HCN1: variants seen among roughly 807,000 people sequenced by gnomAD.
The protein encoded by HCN1 is hyperpolarization activated cyclic nucleotide gated potassium channel 1.
Under a neutral mutation model 78.9 loss-of-function variants are expected in HCN1, and 13 were observed. That is an observed-to-expected ratio of 0.16 (90% CI 0.11 to 0.26). The LOEUF is 0.26. Among genes scored for constraint, HCN1 ranks in the 10% least tolerant of loss-of-function variants. The probability of loss-of-function intolerance (pLI) is 1.00; values close to 1 mark genes in which losing one functional copy is unlikely to be tolerated. For synonymous variants in HCN1, 552 were observed against 455.5 expected, an observed-to-expected ratio of 1.21 and a Z score of -2.70; for missense variants, 810 against 1,154.3, an observed-to-expected ratio of 0.70 and a Z score of 4.32.
chr5:45,263,253 T>C (rs898603488), intron 7 of HCN1, among the ~76,000 whole-genome samples: 3 of 152,170 alleles, frequency 2.0e-5, no homozygotes, highest in African/African-American at 7.2e-5. Context: ...AGGTAGATGA[T>C]TTTATGTAAC....
chr5:45,531,540 T>G (rs1300284374), intron 2 of HCN1, among the ~76,000 whole-genome samples: 1 of 152,150 alleles, frequency 6.6e-6, no homozygotes, highest in African/African-American at 2.4e-5. Context: ...CAGTAGCCAT[T>G]GTGTTGTGTA....
chr5:45,340,231 G>T (rs1746548343), intron 5 of HCN1, among the ~76,000 whole-genome samples: 1 of 152,116 alleles, frequency 6.6e-6, no homozygotes, highest in South Asian at 2.1e-4. Context: ...GGGAAGAATA[G>T]TTAATAAAAC....
intron 2 of HCN1, among the ~76,000 whole-genome samples, chr5:45,604,178 G>A (rs985798680): frequency 2.0e-5 from 3 of 152,052 alleles, no homozygotes; most frequent in Admixed American, 2.0e-4. Flanking sequence ...TTTCTAAGTG[G>A]TCAGACCAAA....
chr5:45,348,687 C>A (rs577545160), intron 5 of HCN1, among the ~76,000 whole-genome samples: 5 of 151,932 alleles, frequency 3.3e-5, no homozygotes, highest in African/African-American at 7.2e-5. Context: ...ATCTACCAAG[C>A]AAATGGAAAA....
intron 2 of HCN1, among the ~76,000 whole-genome samples, chr5:45,492,899 G>A (rs1384591158): frequency 6.6e-6 from 1 of 152,042 alleles, no homozygotes; most frequent in East Asian, 1.9e-4. Flanking sequence ...AGAAACTAGA[G>A]TATGGAAAGC....
rs113229470 is a variant in HCN1, at chr5:45,503,153, T to C, written c.850-41146A>G. On this transcript the variant is annotated intron_variant, in intron 2 of 7. Transcript: ENST00000303230. ...CAGAATATCACTGTTTTGCAACCTT[T>C]AATAAAATAATAAATGTTGGTCGTG... 7.4e-3 allele frequency among the ~76,000 whole-genome samples: 1,133 copies of C among 152,282 alleles called. 14 individuals carry two copies. The highest frequency in any genetic ancestry group is 0.026 in the African/African-American group (1,086 of 41,558).
In HCN1 at chr5:45,494,214, C is replaced by G. The variant is rs1741968801; in HGVS notation, c.850-32207G>C. On this transcript the variant is annotated intron_variant, in intron 2 of 7. Transcript: ENST00000303230. ...ATGGTTGAACTAGTTTACAGTCCCA[C>G]CAACAATGTAAAAGTGTTCCTATTT... Among the ~76,000 whole-genome samples the G allele has an allele frequency of 2.0e-5, 3 of 152,172 alleles. No individual in the cohort carries two copies. In the South Asian group the frequency reaches 6.2e-4, roughly 32 times the overall value.
intron 2 of HCN1, among the ~76,000 whole-genome samples, chr5:45,627,777 A>C (rs1464484092): frequency 6.6e-6 from 1 of 152,336 alleles, no homozygotes; most frequent in East Asian, 1.9e-4. Flanking sequence ...CAGGGAAAAT[A>C]GACATGAATG....
At chr5:45,689,138 T>C (rs944082132) in intron 1 of HCN1, among the ~76,000 whole-genome samples, 18 of 151,508 alleles carry the variant, frequency 1.2e-4, no homozygotes, top group African/African-American at 4.3e-4. Context: ...AATTGTATGG[T>C]ATATGAATTT....
At chr5:45,482,353 T>C (rs1159320611) in intron 2 of HCN1, among the ~76,000 whole-genome samples, 1 of 152,194 alleles carries the variant, frequency 6.6e-6, no homozygotes, top group African/African-American at 2.4e-5. Flanking sequence ...AGAGGTATAT[T>C]CTCAACCTCA....
At chr5:45,695,439 G>A (rs1739988719) in intron 1 of HCN1, among the ~76,000 whole-genome samples, 1 of 152,176 alleles carries the variant, frequency 6.6e-6, no homozygotes, top group African/African-American at 2.4e-5. Flanking sequence ...GGCCAAGGAG[G>A]AGAGCCCGTC....
At chr5:45,455,101 G>A (rs112343062) in intron 3 of HCN1, among the ~76,000 whole-genome samples, 28 of 151,982 alleles carry the variant, frequency 1.8e-4, no homozygotes, top group African/African-American at 6.0e-4. Context: ...AATCCACACA[G>A]GGCTACTACT....
At chr5:45,515,031 A>G (rs1742490612) in intron 2 of HCN1, among the ~76,000 whole-genome samples, 1 of 151,870 alleles carries the variant, frequency 6.6e-6, no homozygotes, top group Admixed American at 6.6e-5. Context: ...AATTATTATG[A>G]TAATTTAGAG....
rs1405366280 is a variant in HCN1, at chr5:45,286,735, ATGT to A, written c.1618+16861_1618+16863del. Among the ~76,000 whole-genome samples the A allele has an allele frequency of 7.9e-5, 12 of 152,126 alleles. No homozygotes were observed. In the East Asian group the frequency reaches 1.7e-3, roughly 22 times the overall value. ...TAGTGCATACCATTAAAACATTAAG[ATGT>A]TGTTGTTGATGTGTTTCTCTTGTAA... On this transcript the variant is annotated intron_variant, in intron 6 of 7. Coordinates refer to ENST00000303230, the MANE Select transcript of HCN1 (RefSeq NM_021072.4).
In HCN1 at chr5:45,374,474, C is replaced by G. The variant is rs1747556129; in HGVS notation, c.1231-21228G>C. Reference sequence around the variant, plus strand: ...AGAAGAAATGTAATCCTTATACAGACCAATAATGAGTTTCAAAATTCAATC... The same window carrying G: ...AGAAGAAATGTAATCCTTATACAGAGCAATAATGAGTTTCAAAATTCAATC... On this transcript the variant is annotated intron_variant, in intron 4 of 7. Transcript: ENST00000303230. Among the ~76,000 whole-genome samples the G allele has an allele frequency of 2.0e-5, 3 of 149,482 alleles. No individual in the cohort carries two copies. The South Asian group carries it at 6.3e-4, about 31-fold the overall frequency.
intron 6 of HCN1, 63 bp downstream of exon 6, chr5:45,303,536 A>G: frequency 1.3e-6 from 2 of 1,578,812 alleles, no homozygotes; most frequent in Non-Finnish European, 1.7e-6. Flanking sequence ...CATCTCCAAA[A>G]TTCTTAAAGA....
chr5:45,628,911 G>A (rs949245573), intron 2 of HCN1, among the ~76,000 whole-genome samples: 2 of 151,560 alleles, frequency 1.3e-5, no homozygotes, highest in Non-Finnish European at 2.9e-5. Flanking sequence ...GGAGGTCACA[G>A]TGAGCTAGGT....
At position 45,312,649 on chromosome 5, in the gene HCN1, A is replaced by T. The variant is rs144667205; in HGVS notation, c.1378-8810T>A. Among the ~76,000 whole-genome samples the T allele has an allele frequency of 9.9e-3, 1,509 of 152,306 alleles. 24 individuals are homozygous for T. The highest frequency in any genetic ancestry group is 0.035 in the African/African-American group (1,446 of 41,574). On this transcript the variant is annotated intron_variant, in intron 5 of 7. Transcript: ENST00000303230. ...AAGCTGTGACAGACAGCACCTGGAA[A>T]ATCGGGTCACTCCCACCCTAATACT...
intron 3 of HCN1, among the ~76,000 whole-genome samples, chr5:45,402,863 CCTCTA>C (rs1246006011): frequency 2.1e-5 from 3 of 139,752 alleles, no homozygotes; most frequent in Non-Finnish European, 3.1e-5. Flanking sequence ...TTCCTTCCTT[CCTCTA>C]CTTCCTTCCC....
Sources: gnomAD v4.1 joint callset for allele counts (sites outside exome capture counted in the v4.1 genomes callset) on GRCh38, gnomAD v4.1.1 for gene constraint, MANE v1.5 for transcripts, NCBI Gene and HGNC (gene_info 2026-07-23, HGNC 2026-07-21) for gene names.